RNF220: variants seen among roughly 807,000 people sequenced by gnomAD.
RNF220 encodes the protein E3 ubiquitin-protein ligase RNF220.
A neutral mutation model predicts 67.1 loss-of-function variants in RNF220; 7 were observed. That is an observed-to-expected ratio of 0.10 (90% CI 0.06 to 0.20). The LOEUF is 0.20. Among genes scored for constraint, RNF220 ranks in the 10% least tolerant of loss-of-function variants. The probability of loss-of-function intolerance (pLI) is 1.00; values close to 1 mark genes in which losing one functional copy is unlikely to be tolerated. For synonymous variants in RNF220, 270 were observed against 283.2 expected (o/e 0.95, Z 0.47); for missense variants, 565 against 740.3 (o/e 0.76, Z 2.75).
intron 2 of RNF220, among the ~76,000 whole-genome samples, chr1:44,478,808 C>T (rs990849457): frequency 6.6e-6 from 1 of 152,128 alleles, no homozygotes; most frequent in Non-Finnish European, 1.5e-5. Context: ...TTGACAGGTC[C>T]CACGGTCCTA....
rs532981691 is a variant in RNF220, at chr1:44,644,604, A to G, written c.1127-94A>G. On this transcript the variant is annotated intron_variant, in intron 8 of 14. Coordinates refer to ENST00000361799, the MANE Select transcript of RNF220 (RefSeq NM_018150.4). ...CCCAGGTTTCCCTCTGGGCCTTATCAGGTCCAAAGCCTAACCCCTACCTGG... is the reference window on the plus strand; with the variant it reads ...CCCAGGTTTCCCTCTGGGCCTTATCGGGTCCAAAGCCTAACCCCTACCTGG... 4.6e-5 allele frequency: 41 copies of G among 900,702 alleles called. 1 individual carries two copies. The highest frequency in any genetic ancestry group is 5.8e-4 in the Middle Eastern group (2 of 3,456). 55.8% of individuals were successfully genotyped at this position (900,702 alleles called of 1,614,324 possible).
At chr1:44,419,110 C>G (rs1356376771) in intron 2 of RNF220, among the ~76,000 whole-genome samples, 1 of 152,148 alleles carries the variant, frequency 6.6e-6, no homozygotes, top group Non-Finnish European at 1.5e-5. Flanking sequence ...GCCATTTTAT[C>G]CCGTCTTAAA....
chr1:44,430,478 TCTA>T (rs1650242636), intron 2 of RNF220, among the ~76,000 whole-genome samples: 1 of 152,086 alleles, frequency 6.6e-6, no homozygotes, highest in African/African-American at 2.4e-5. Context: ...GAAACCCTCT[TCTA>T]CTATCTTTGC....
rs1334620016 is a variant in RNF220, at chr1:44,412,728, TAC to T, written c.625+7_625+8del. 6.2e-7 allele frequency: 1 copy of T among 1,611,436 alleles called. No homozygotes were observed. On this transcript the variant is annotated splice_region_variant and intron_variant, in intron 2 of 14. Transcript: ENST00000361799. The surrounding 1 kb of genome is among the most constrained non-coding windows in gnomAD (Gnocchi z 5.3). ...AGAGGATCGGAATGACAGATGTAAGTACTTTGGTTCCAGCCCTCCCTTACCCC... is the reference window on the plus strand; with the variant it reads ...AGAGGATCGGAATGACAGATGTAAGTTTTGGTTCCAGCCCTCCCTTACCCC...
intron 2 of RNF220, among the ~76,000 whole-genome samples, chr1:44,496,420 A>G (rs888017810): frequency 6.6e-6 from 1 of 152,206 alleles, no homozygotes; most frequent in African/African-American, 2.4e-5. Flanking sequence ...GAATGAATTC[A>G]TGAATGAATG....
chr1:44,408,440 G>A (rs1258149404), intron 1 of RNF220, among the ~76,000 whole-genome samples: 6 of 152,168 alleles, frequency 3.9e-5, no homozygotes, highest in African/African-American at 1.4e-4. Context: ...TGTTAGAGCG[G>A]TGTTTCCAAA....
chr1:44,432,239 AAC>A, intron 2 of RNF220, among the ~76,000 whole-genome samples: 1 of 152,318 alleles, frequency 6.6e-6, no homozygotes, highest in South Asian at 2.1e-4. Context: ...ATTTTAAAAC[AAC>A]AGTCAACTAA....
At chr1:44,552,940 C>T (rs950924756) in intron 2 of RNF220, among the ~76,000 whole-genome samples, 1 of 152,176 alleles carries the variant, frequency 6.6e-6, no homozygotes, top group Non-Finnish European at 1.5e-5. Context: ...CCTAATCTCT[C>T]ACCACGCCCC....
In RNF220 at chr1:44,644,693, C is replaced by A. The variant is rs753786574; in HGVS notation, c.1127-5C>A. 1 of 1,613,556 alleles carries A rather than the reference C, an allele frequency of 6.2e-7. No individual in the cohort carries two copies. Among genetic ancestry groups the A allele is most frequent in the South Asian group, 1.1e-5 (1 of 91,056 alleles). On this transcript the variant is annotated splice_region_variant and splice_polypyrimidine_tract_variant and intron_variant, in intron 8 of 14. Transcript: ENST00000361799. ...CAGGCCCTCCTCACACCCTGCTTCC[C>A]ACAGGCTCTGGCTTCATCATGTGCA...
chr1:44,465,397 TA>T (rs906153236), intron 2 of RNF220, among the ~76,000 whole-genome samples: 2 of 150,110 alleles, frequency 1.3e-5, no homozygotes, highest in Admixed American at 6.7e-5. Context: ...ATTAAATATA[TA>T]AAAAAATGAT....
intron 5 of RNF220, chr1:44,632,010 G>A (rs1644149034): frequency 9.7e-7 from 1 of 1,029,274 alleles, no homozygotes; most frequent in African/African-American, 1.7e-5. Flanking sequence ...CTGAAGTGCC[G>A]CCGCCGCCGG....
chr1:44,415,490 A>G (rs1355321788), intron 2 of RNF220, among the ~76,000 whole-genome samples: 2 of 125,770 alleles, frequency 1.6e-5, no homozygotes, highest in Non-Finnish European at 3.4e-5. Flanking sequence ...CAAATTAACC[A>G]TATATGGTTG....
intron 2 of RNF220, among the ~76,000 whole-genome samples, chr1:44,552,883 T>C (rs1457795331): frequency 6.6e-6 from 1 of 152,138 alleles, no homozygotes; most frequent in Non-Finnish European, 1.5e-5. Flanking sequence ...AACTTCTTAA[T>C]GCAGCCTAGA....
intron 2 of RNF220, among the ~76,000 whole-genome samples, chr1:44,543,220 G>A (rs897046838): frequency 4.6e-5 from 7 of 151,910 alleles, no homozygotes; most frequent in East Asian, 1.9e-4. Context: ...CACCTTCGCC[G>A]GCTACCCCCT....
At chr1:44,558,518 G>A (rs1476637070) in intron 2 of RNF220, among the ~76,000 whole-genome samples, 1 of 152,180 alleles carries the variant, frequency 6.6e-6, no homozygotes, top group African/African-American at 2.4e-5. Context: ...AGCATCTACT[G>A]CATATTAAAC....
chr1:44,620,237 C>T (rs1352391185), intron 3 of RNF220, among the ~76,000 whole-genome samples: 1 of 152,256 alleles, frequency 6.6e-6, no homozygotes, highest in African/African-American at 2.4e-5. Context: ...ATAGAAATGT[C>T]ATTTGACCTG....
intron 1 of RNF220, among the ~76,000 whole-genome samples, chr1:44,407,754 G>A (rs1267817082): frequency 1.3e-5 from 2 of 152,190 alleles, no homozygotes; most frequent in East Asian, 3.9e-4. Flanking sequence ...GCAGCCCCGC[G>A]CCGGTCCGTA....
chr1:44,622,865 G>T lies in RNF220; in HGVS notation c.804+78G>T. The T allele has an allele frequency of 4.8e-6, 6 of 1,260,928 alleles. No homozygotes were observed. Among genetic ancestry groups the T allele is most frequent in the Non-Finnish European group, 6.9e-6 (6 of 865,352 alleles). 78.1% of individuals were successfully genotyped at this position (1,260,928 alleles called of 1,614,324 possible). ...CAGAACTGGTTCCTCCTGAGAAAAAGGAGCTTTTCTAGTATCCTCAACTAT... is the reference window on the plus strand; with the variant it reads ...CAGAACTGGTTCCTCCTGAGAAAAATGAGCTTTTCTAGTATCCTCAACTAT... On this transcript the variant is annotated intron_variant, in intron 4 of 14. Transcript: ENST00000361799. The surrounding 1 kb of genome is among the most constrained non-coding windows in gnomAD (Gnocchi z 4.3).
chr1:44,584,865 CT>C (rs1665578561), intron 2 of RNF220, among the ~76,000 whole-genome samples: 1 of 152,200 alleles, frequency 6.6e-6, no homozygotes, highest in Non-Finnish European at 1.5e-5. Flanking sequence ...CGCCTGGCTA[CT>C]TTTTGTATTT....
Sources: gnomAD v4.1 joint callset for allele counts (sites outside exome capture counted in the v4.1 genomes callset) on GRCh38, gnomAD v4.1.1 for gene constraint, Gnocchi (gnomAD v3.1) non-coding constraint, MANE v1.5 for transcripts, NCBI Gene and HGNC (gene_info 2026-07-23, HGNC 2026-07-21) for gene names.